The following PCDHGC3 variants were observed in gnomAD, a reference collection of about 807,000 sequenced individuals.
The protein encoded by PCDHGC3 is protocadherin gamma subfamily C, 3, also known as protocadherin gamma-C3.
A neutral mutation model predicts 59.2 loss-of-function variants in PCDHGC3; 26 were observed. The ratio of observed to expected loss-of-function variants is 0.44; its 90% CI spans 0.32 to 0.61. PCDHGC3 has a LOEUF of 0.61. Ranked by LOEUF, PCDHGC3 falls within the 20% of genes least tolerant of loss-of-function variation. The pLI is 0.05. For missense variants in PCDHGC3, 1,080 were observed against 1,221.8 expected (o/e 0.88, Z 1.73); for synonymous variants, 487 against 519.7 (o/e 0.94, Z 0.86).
At chr5:141,481,718 C>T (rs942120251) in intron 1 of PCDHGC3, among the ~76,000 whole-genome samples, 6 of 152,082 alleles carry the variant, frequency 3.9e-5, no homozygotes, top group East Asian at 1.9e-4. Context: ...CTTTGGGAGG[C>T]GGAGGCGGGC....
chr5:141,498,805 C>T (rs1397026274), intron 2 of PCDHGC3, among the ~76,000 whole-genome samples: 1 of 152,000 alleles, frequency 6.6e-6, no homozygotes, highest in Non-Finnish European at 1.5e-5. Flanking sequence ...TGGTGGTGCA[C>T]ACCTGTAGTC....
intron 3 of PCDHGC3, among the ~76,000 whole-genome samples, chr5:141,508,528 C>T (rs2099869454): frequency 6.6e-6 from 1 of 152,186 alleles, no homozygotes; most frequent in Admixed American, 6.5e-5. Context: ...AACCTCAGGG[C>T]ACCCCCCACG....
At position 141,477,539 on chromosome 5, in the gene PCDHGC3, C is replaced by G; in HGVS notation, c.1423C>G (p.Pro475Ala). 2 of 1,614,172 alleles carry G rather than the reference C, an allele frequency of 1.2e-6. No individual in the cohort carries two copies. The highest frequency in any genetic ancestry group is 1.7e-6 in the Non-Finnish European group (2 of 1,180,030). Residue 475 changes from proline (P) to alanine (A), a missense_variant, in exon 1 of 4, where the codon CCA becomes GCA. By Grantham distance (27) the Pro-to-Ala change is conservative (BLOSUM62 -1). Transcript: ENST00000308177. The surrounding 1 kb of genome is among the most constrained non-coding windows in gnomAD (Gnocchi z 4.9). ...YIEENNLPGA[P>A]ILNLSVWDPD... ...TGAAGAAAACAACCTCCCCGGGGCT[C>G]CAATACTAAACCTAAGTGTCTGGGA...
Position 141,486,895 on chromosome 5 carries a change from C to T in PCDHGC3, c.2431-7912C>T, listed in dbSNP as rs1286004461. ...TCCGTCCTCGGGCCCGGCCTGGTTC[C>T]TTATGTCCCCAAGCACTGCCTCCAT... On this transcript the variant is annotated intron_variant, in intron 1 of 3. Coordinates refer to ENST00000308177, the MANE Select transcript of PCDHGC3 (RefSeq NM_002588.4). This position sits in a 1 kb window ranked among gnomAD's most constrained non-coding sequence, Gnocchi z 5.0. 3 of 1,614,134 alleles carry T rather than the reference C, an allele frequency of 1.9e-6. No homozygotes were observed. The highest frequency in any genetic ancestry group is 3.3e-5 in the Admixed American group (2 of 60,012).
intron 1 of PCDHGC3, among the ~76,000 whole-genome samples, chr5:141,481,095 C>T (rs1456056389): frequency 1.3e-5 from 2 of 152,120 alleles, no homozygotes; most frequent in African/African-American, 2.4e-5. Context: ...AAAAGCAGTA[C>T]TCTGGAACCT....
intron 3 of PCDHGC3, among the ~76,000 whole-genome samples, chr5:141,507,777 CT>C (rs1213538221): frequency 6.6e-6 from 1 of 152,220 alleles, no homozygotes; most frequent in Admixed American, 6.5e-5. Context: ...CACACAGGGC[CT>C]GACCCTCGTC....
chr5:141,490,346 T>A lies in PCDHGC3; in HGVS notation c.2431-4461T>A. On this transcript the variant is annotated intron_variant, in intron 1 of 3. Coordinates refer to ENST00000308177, the MANE Select transcript of PCDHGC3 (RefSeq NM_002588.4). This position sits in a 1 kb window ranked among gnomAD's most constrained non-coding sequence, Gnocchi z 5.4. ...GAGAGCACACCAGTGGGCACAGTAG[T>A]GGGGTTGTTTAATGTGCGAGACCGG... The A allele has an allele frequency of 6.2e-7, 1 of 1,614,164 alleles. No individual in the cohort carries two copies. The highest frequency in any genetic ancestry group is 8.5e-7 in the Non-Finnish European group (1 of 1,180,020).
At chr5:141,481,191 C>A (rs1244434918) in intron 1 of PCDHGC3, among the ~76,000 whole-genome samples, 1 of 152,148 alleles carries the variant, frequency 6.6e-6, no homozygotes, top group Non-Finnish European at 1.5e-5. Context: ...GGGCCAGGCC[C>A]AATTTTTTTA....
intron 1 of PCDHGC3, 115 bp from the exon 2 acceptor site, chr5:141,494,692 C>G: frequency 6.3e-7 from 1 of 1,581,934 alleles, no homozygotes; most frequent in South Asian, 1.1e-5. Context: ...CCTCTTAGTC[C>G]GTTTTCTTCT....
In PCDHGC3 at chr5:141,493,364, TTGGAAC is replaced by T. The variant is rs1405602213; in HGVS notation, c.2431-1441_2431-1436del. Among the ~76,000 whole-genome samples, 1 of 152,184 alleles carries T rather than the reference TTGGAAC, an allele frequency of 6.6e-6. No homozygotes were observed. Among genetic ancestry groups the T allele is most frequent in the South Asian group, 2.1e-4 (1 of 4,824 alleles). On this transcript the variant is annotated intron_variant, in intron 1 of 3. Coordinates refer to ENST00000308177, the MANE Select transcript of PCDHGC3 (RefSeq NM_002588.4). The surrounding 1 kb of genome is among the most constrained non-coding windows in gnomAD (Gnocchi z 4.3). Reference sequence around the variant, plus strand: ...ATGTGTGCTTTTAATTTCTTGGCACTTGGAACTTTAAAAGCTTGAGGACAGGAGAGG... The same window carrying T: ...ATGTGTGCTTTTAATTTCTTGGCACTTTTAAAAGCTTGAGGACAGGAGAGG...
chr5:141,494,198 C>T (rs1383940298), intron 1 of PCDHGC3, among the ~76,000 whole-genome samples: 8 of 152,158 alleles, frequency 5.3e-5, no homozygotes, highest in African/African-American at 1.7e-4. Context: ...TTGGATGCCC[C>T]GCAAAGGCCC....
rs140916255 is a variant in PCDHGC3, at chr5:141,475,995, C to A, written c.-122C>A. 2,057 of 1,172,604 alleles carry A rather than the reference C, an allele frequency of 1.8e-3. 30 individuals carry two copies. The African/African-American group carries it at 0.027, about 16-fold the overall frequency. 72.6% of individuals were successfully genotyped at this position (1,172,604 alleles called of 1,614,324 possible). ...ACTGAACAGCCGGCGAGCAAATCAA[C>A]GGCATCCAGAAAGCCATGTCGGACT... On this transcript the variant is annotated 5_prime_UTR_variant, in exon 1 of 4. Coordinates refer to ENST00000308177, the MANE Select transcript of PCDHGC3 (RefSeq NM_002588.4).
chr5:141,478,352 G>T lies in PCDHGC3; in HGVS notation c.2236G>T (p.Ala746Ser), dbSNP rs767743120. 36 of 1,613,674 alleles carry T rather than the reference G, an allele frequency of 2.2e-5. No homozygotes were observed. Among genetic ancestry groups the T allele is most frequent in the Non-Finnish European group, 3.1e-5 (36 of 1,180,016 alleles). The change falls in exon 1 of 4, where the codon GCC becomes TCC. Residue 746 changes from alanine (A) to serine (S), a missense_variant. Transcript: ENST00000308177. ...RTPGPSLHAD[A>S]VRGGLMSPHL... ...ACCAGGGCCCTCCTTGCACGCGGACGCCGTGCGGGGAGGCCTGATGTCGCC... is the reference window on the plus strand; with the variant it reads ...ACCAGGGCCCTCCTTGCACGCGGACTCCGTGCGGGGAGGCCTGATGTCGCC...
intron 3 of PCDHGC3, among the ~76,000 whole-genome samples, chr5:141,505,868 G>T (rs2099848820): frequency 6.6e-6 from 1 of 152,170 alleles, no homozygotes; most frequent in Admixed American, 6.5e-5. Context: ...GGACCCCAAA[G>T]GGTTGTTGTA....
Position 141,511,606 on chromosome 5 carries a change from G to A in PCDHGC3, c.*433G>A, listed in dbSNP as rs1160129762. The stretch of plus-strand genomic sequence containing the variant: ...TGTTGAAGTACCAAGTAACCTACAA[G>A]CCTCCTAGTTCTGAAAAGTTGGAAG... On this transcript the variant is annotated 3_prime_UTR_variant, in exon 4 of 4. Transcript: ENST00000308177. 2 of 248,594 alleles carry A rather than the reference G, an allele frequency of 8.0e-6. No individual in the cohort carries two copies. Among genetic ancestry groups the A allele is most frequent in the Non-Finnish European group, 1.6e-5 (2 of 123,946 alleles). 15.4% of individuals were successfully genotyped at this position (248,594 alleles called of 1,614,324 possible). A position where few individuals can be genotyped will look rare whatever the true frequency, so the allele number is the denominator to read the frequency against.
At position 141,486,112 on chromosome 5, in the gene PCDHGC3, G is replaced by A; in HGVS notation, c.2430+7566G>A. ...TGGGGCCCCTAGACTTTGAGAGTGA[G>A]AATTACTATGAATTTGATGTGCGGG... On this transcript the variant is annotated intron_variant, in intron 1 of 3. Transcript: ENST00000308177. This position sits in a 1 kb window ranked among gnomAD's most constrained non-coding sequence, Gnocchi z 5.0. 1 of 1,614,166 alleles carries A rather than the reference G, an allele frequency of 6.2e-7. No homozygotes were observed. Among genetic ancestry groups the A allele is most frequent in the Non-Finnish European group, 8.5e-7 (1 of 1,180,024 alleles).
At chr5:141,481,779 C>T (rs1367771159) in intron 1 of PCDHGC3, among the ~76,000 whole-genome samples, 2 of 152,092 alleles carry the variant, frequency 1.3e-5, no homozygotes, top group Non-Finnish European at 2.9e-5. Flanking sequence ...TGGTGAAACC[C>T]CGTCTCTACT....
intron 1 of PCDHGC3, chr5:141,479,437 C>G (rs2099496053): frequency 6.6e-6 from 1 of 152,224 alleles, no homozygotes; most frequent in Admixed American, 6.5e-5. Flanking sequence ...AATCCACTGT[C>G]TGCACTAAGT....
At position 141,491,591 on chromosome 5, in the gene PCDHGC3, G is replaced by A. The variant is rs969259993; in HGVS notation, c.2431-3216G>A. 22 of 1,613,862 alleles carry A rather than the reference G, an allele frequency of 1.4e-5. No individual in the cohort carries two copies. The highest frequency in any genetic ancestry group is 1.8e-5 in the Non-Finnish European group (21 of 1,180,048). ...ACGTGCTTTTCACCGGCCTCGGACG[G>A]CAGTGACTTCACTTTTCTAAGACCC... On this transcript the variant is annotated intron_variant, in intron 1 of 3. Coordinates refer to ENST00000308177, the MANE Select transcript of PCDHGC3 (RefSeq NM_002588.4). This position sits in a 1 kb window ranked among gnomAD's most constrained non-coding sequence, Gnocchi z 6.9.
Sources: allele counts gnomAD v4.1 joint callset (sites outside exome capture counted in the v4.1 genomes callset), GRCh38; gene constraint gnomAD v4.1.1; non-coding constraint Gnocchi (gnomAD v3.1); transcripts MANE v1.5; gene names NCBI Gene and HGNC (gene_info 2026-07-23, HGNC 2026-07-21).